PPM1G: variants seen among roughly 807,000 people sequenced by gnomAD.
The protein encoded by PPM1G is protein phosphatase, Mg2+/Mn2+ dependent 1G.
PPM1G carries 12 observed loss-of-function variants against 59.4 expected under a neutral mutation model. The ratio of observed to expected loss-of-function variants is 0.20; its 90% CI spans 0.13 to 0.33. PPM1G has a LOEUF of 0.33. Among genes scored for constraint, PPM1G ranks in the 10% least tolerant of loss-of-function variants. PPM1G has a pLI of 1.00. For synonymous variants in PPM1G, 245 were observed against 251.9 expected, an observed-to-expected ratio of 0.97 and a Z score of 0.26; for missense variants, 392 against 681.3, an observed-to-expected ratio of 0.58 and a Z score of 4.73.
chr2:27,382,276 C>T lies in PPM1G; in HGVS notation c.1332-48G>A, dbSNP rs754941209. 2.1e-5 allele frequency: 34 copies of T among 1,590,452 alleles called. No individual in the cohort carries two copies. The highest frequency in any genetic ancestry group is 3.3e-4 in the Middle Eastern group (2 of 6,000). On this transcript the variant is annotated intron_variant, in intron 8 of 9. Transcript: ENST00000344034. This position sits in a 1 kb window ranked among gnomAD's most constrained non-coding sequence, Gnocchi z 4.2. ...GAATCTTCCAGTCTCACTAAGGCAG[C>T]GTAGAGGAGTATGGACAGAGGTGGT...
intron 1 of PPM1G, among the ~76,000 whole-genome samples, chr2:27,387,701 AT>A (rs1683803661): frequency 6.6e-6 from 1 of 152,032 alleles, no homozygotes; most frequent in Non-Finnish European, 1.5e-5. Flanking sequence ...GGGTTTCACC[AT>A]GTTGGTCAGG....
At chr2:27,394,376 G>C (rs1373508727) in intron 1 of PPM1G, among the ~76,000 whole-genome samples, 1 of 152,102 alleles carries the variant, frequency 6.6e-6, no homozygotes, top group Non-Finnish European at 1.5e-5. Context: ...TATTTTCCCT[G>C]AATTTCACTA....
At chr2:27,386,050 C>A in intron 3 of PPM1G, 144 bp downstream of exon 3, 1 of 1,233,500 alleles carries the variant, frequency 8.1e-7, no homozygotes, top group Non-Finnish European at 1.1e-6. Context: ...AAAAGGCGGC[C>A]AATAAGCTCG....
chr2:27,409,585 G>C lies in PPM1G; in HGVS notation c.-163C>G, dbSNP rs541458967. The C allele has an allele frequency of 9.9e-5, 89 of 901,952 alleles. No homozygotes were observed. The African/African-American group carries it at 1.4e-3, about 14-fold the overall frequency. 55.9% of individuals were successfully genotyped at this position (901,952 alleles called of 1,614,324 possible). A position where few individuals can be genotyped will look rare whatever the true frequency, so the allele number is the denominator to read the frequency against. ...CGGCCAGGAGGCGGTAACGGGACGG[G>C]AGCTGTGAGGGAGCGGAAGCGGAAA... On this transcript the variant is annotated 5_prime_UTR_variant, in exon 1 of 10. Transcript: ENST00000344034.
chr2:27,391,724 CT>C (rs1257019914), intron 1 of PPM1G, among the ~76,000 whole-genome samples: 1 of 150,044 alleles, frequency 6.7e-6, no homozygotes, highest in Non-Finnish European at 1.5e-5. Context: ...ACAGGATGTT[CT>C]TTTTTTCTTT....
chr2:27,391,029 G>A (rs1683887421), intron 1 of PPM1G, among the ~76,000 whole-genome samples: 1 of 152,196 alleles, frequency 6.6e-6, no homozygotes, highest in Non-Finnish European at 1.5e-5. Context: ...TTTAATGGGT[G>A]CATAGTATTC....
At position 27,406,912 on chromosome 2, in the gene PPM1G, C is replaced by A. The variant is rs539723127; in HGVS notation, c.120+2391G>T. ...CATGGAAATGGAACTTCTTGACTAC[C>A]TACTTTACAAAAAGACTTTCCTACG... On this transcript the variant is annotated intron_variant, in intron 1 of 9. Coordinates refer to ENST00000344034, the MANE Select transcript of PPM1G (RefSeq NM_177983.3). Among the ~76,000 whole-genome samples, 103 of 152,066 alleles carry A rather than the reference C, an allele frequency of 6.8e-4. No homozygotes were observed. The South Asian group carries it at 0.017, about 25-fold the overall frequency.
intron 1 of PPM1G, among the ~76,000 whole-genome samples, chr2:27,402,221 T>C (rs1684194711): frequency 1.3e-5 from 2 of 152,198 alleles, no homozygotes; most frequent in Admixed American, 1.3e-4. Context: ...CAAAATGTCA[T>C]TAAACATCTT....
Position 27,382,661 on chromosome 2 carries a change from T to G in PPM1G, c.1202-56A>C. The G allele has an allele frequency of 6.2e-7, 1 of 1,603,056 alleles. No homozygotes were observed. Among genetic ancestry groups the G allele is most frequent in the South Asian group, 1.1e-5 (1 of 90,354 alleles). ...TGGATACTTCCCACAGACTTGTGTT[T>G]GTGGCAGGTCAAACCTTGCCATTCA... On this transcript the variant is annotated intron_variant, in intron 7 of 9. Coordinates refer to ENST00000344034, the MANE Select transcript of PPM1G (RefSeq NM_177983.3). The surrounding 1 kb of genome is among the most constrained non-coding windows in gnomAD (Gnocchi z 4.2).
Position 27,385,761 on chromosome 2 carries a change from G to T in PPM1G, c.395C>A (p.Ala132Asp). Residue 132 changes from alanine (A) to aspartate (D), a missense_variant, in exon 4 of 10, where the codon GCT becomes GAT. Around this residue, in one of 6 missense-constraint regions of PPM1G, gnomAD observed 188 missense variants for 248.8 expected, o/e 0.76. Transcript: ENST00000344034. This position sits in a 1 kb window ranked among gnomAD's most constrained non-coding sequence, Gnocchi z 4.1. ...TEDEDEKEKV[A>D]DEDDVDNEEA... is the part of the protein sequence containing the mutation. ...GCCACACTCACCATCATCTTCATCA[G>T]CTACTTTTTCTTTTTCATCTTCATC... 7 of 1,612,998 alleles carry T rather than the reference G, an allele frequency of 4.3e-6. No homozygotes were observed. The highest frequency in any genetic ancestry group is 5.9e-6 in the Non-Finnish European group (7 of 1,179,728).
At chr2:27,386,169 G>C (rs763263280) in intron 3 of PPM1G, 25 bp downstream of exon 3, 12 of 1,582,536 alleles carry the variant, frequency 7.6e-6, no homozygotes, top group Non-Finnish European at 9.6e-6. Context: ...CACAAGTGAG[G>C]AATGGGCGGT....
intron 1 of PPM1G, chr2:27,392,875 G>A: frequency 7.0e-7 from 1 of 1,430,048 alleles, no homozygotes; most frequent in African/African-American, 1.4e-5. Context: ...GTGCATGTTG[G>A]TCACGTGGTC....
chr2:27,400,790 C>T (rs1053367075), intron 1 of PPM1G, among the ~76,000 whole-genome samples: 2 of 152,172 alleles, frequency 1.3e-5, no homozygotes, highest in Admixed American at 6.6e-5. Context: ...AGAAAACTAG[C>T]ATCTCTTTCC....
intron 1 of PPM1G, among the ~76,000 whole-genome samples, chr2:27,408,028 CAA>C (rs1162962181): frequency 6.8e-6 from 1 of 146,968 alleles, no homozygotes; most frequent in Non-Finnish European, 1.5e-5. Flanking sequence ...GCCTGGGCAA[CAA>C]GAGCGAAATT....
intron 1 of PPM1G, among the ~76,000 whole-genome samples, chr2:27,393,990 C>G (rs1683983630): frequency 6.6e-6 from 1 of 152,078 alleles, no homozygotes; most frequent in Non-Finnish European, 1.5e-5. Context: ...TCTCAATCTC[C>G]TGACCTCGTG....
chr2:27,381,998 G>A (rs1572658759), intron 9 of PPM1G, 128 bp downstream of exon 9: 5 of 1,068,576 alleles, frequency 4.7e-6, no homozygotes, highest in Non-Finnish European at 7.0e-6. Flanking sequence ...GTGGAACTTT[G>A]GAGTCGGGGT....
At chr2:27,402,835 A>AATAC (rs1174726234) in intron 1 of PPM1G, among the ~76,000 whole-genome samples, 2 of 148,680 alleles carry the variant, frequency 1.3e-5, no homozygotes, top group African/African-American at 5.0e-5. Flanking sequence ...TAAATAAATA[A>AATAC]ATAAATAAAT....
chr2:27,407,750 C>T (rs1405027337), intron 1 of PPM1G, among the ~76,000 whole-genome samples: 2 of 152,088 alleles, frequency 1.3e-5, no homozygotes, highest in Non-Finnish European at 1.5e-5. Context: ...AATTTCTTAG[C>T]TATAAAATGT....
chr2:27,407,233 T>C (rs532365199), intron 1 of PPM1G, among the ~76,000 whole-genome samples: 6 of 151,960 alleles, frequency 3.9e-5, no homozygotes, highest in Non-Finnish European at 7.4e-5. Context: ...CCCAAAGTGT[T>C]AGGATTACAG....
Sources: gnomAD v4.1 joint callset for allele counts (sites outside exome capture counted in the v4.1 genomes callset) on GRCh38, gnomAD v4.1.1 for gene constraint, gnomAD v4.1.1 regional missense constraint, Gnocchi (gnomAD v3.1) non-coding constraint, MANE v1.5 for transcripts, NCBI Gene and HGNC (gene_info 2026-07-23, HGNC 2026-07-21) for gene names.